UBE2J2: variants seen among roughly 807,000 people sequenced by gnomAD.
The protein encoded by UBE2J2 is ubiquitin conjugating enzyme E2 J2.
In UBE2J2, 5 loss-of-function variants were observed where a neutral mutation model predicts 28.6. The observed-to-expected ratio is 0.17, with a 90% CI of 0.09 to 0.37. UBE2J2 has a LOEUF of 0.37. Among genes scored for constraint, UBE2J2 ranks in the 10% least tolerant of loss-of-function variants. The pLI is 1.00. For synonymous variants in UBE2J2, 138 were observed against 139.7 expected (o/e 0.99, Z 0.09); for missense variants, 226 against 338.9 (o/e 0.67, Z 2.62).
intron 1 of UBE2J2, among the ~76,000 whole-genome samples, chr1:1,270,446 G>A (rs1444144530): frequency 6.6e-6 from 1 of 152,126 alleles, no homozygotes; most frequent in Non-Finnish European, 1.5e-5. Context: ...GGAGTGCAGA[G>A]CTCAGCCAGG....
At chr1:1,261,888 ACT>A (rs1015703283) in intron 3 of UBE2J2, among the ~76,000 whole-genome samples, 2 of 134,402 alleles carry the variant, frequency 1.5e-5, no homozygotes, top group African/African-American at 6.1e-5. Context: ...GACGAGTTTC[ACT>A]CTTGTCACCC....
intron 3 of UBE2J2, among the ~76,000 whole-genome samples, chr1:1,258,992 T>C (rs2101043465): frequency 6.6e-6 from 1 of 152,376 alleles, no homozygotes. Context: ...CGTTGACGTG[T>C]GTGTGCATGC....
intron 1 of UBE2J2, among the ~76,000 whole-genome samples, chr1:1,271,983 A>G (rs937864416): frequency 2.9e-5 from 4 of 135,662 alleles, no homozygotes; most frequent in Admixed American, 2.1e-4. Flanking sequence ...TCAAAAAAAA[A>G]AAAAAAAAAA....
chr1:1,270,587 A>C (rs1379843695), intron 1 of UBE2J2, among the ~76,000 whole-genome samples: 1 of 151,982 alleles, frequency 6.6e-6, no homozygotes, highest in Non-Finnish European at 1.5e-5. Flanking sequence ...CTCTAACGCA[A>C]AATGTCATCA....
intron 5 of UBE2J2, 74 bp from the exon 6 acceptor site, chr1:1,256,199 C>T: frequency 8.7e-7 from 1 of 1,150,196 alleles, no homozygotes; most frequent in Admixed American, 1.8e-5. Flanking sequence ...CAGATGATTT[C>T]AAAGTCAAGG....
chr1:1,272,757 G>A (rs1640222844), intron 1 of UBE2J2: 1 of 162,452 alleles, frequency 6.2e-6, no homozygotes, highest in East Asian at 1.9e-4. Flanking sequence ...AAGGAGGTCA[G>A]CGGTGCCAGG....
intron 2 of UBE2J2, chr1:1,263,670 A>G (rs1639687785): frequency 6.3e-6 from 2 of 316,094 alleles, no homozygotes; most frequent in Non-Finnish European, 1.2e-5. Context: ...AGCTCATCTT[A>G]ATAATAACTG....
chr1:1,259,271 G>A (rs1360158908), intron 3 of UBE2J2, among the ~76,000 whole-genome samples: 1 of 151,904 alleles, frequency 6.6e-6, no homozygotes, highest in Non-Finnish European at 1.5e-5. Flanking sequence ...GTGTGTGCAT[G>A]TGTATGTGCA....
intron 3 of UBE2J2, among the ~76,000 whole-genome samples, chr1:1,258,253 G>A (rs1348083269): frequency 6.6e-6 from 1 of 152,020 alleles, no homozygotes; most frequent in Non-Finnish European, 1.5e-5. Context: ...GTGTTAGCCA[G>A]GATGGTCTCT....
chr1:1,266,654 T>C (rs1411407461), intron 2 of UBE2J2, among the ~76,000 whole-genome samples: 1 of 151,636 alleles, frequency 6.6e-6, no homozygotes, highest in Non-Finnish European at 1.5e-5. Context: ...ACCCCGTCTC[T>C]ACTAAAAATA....
intron 3 of UBE2J2, among the ~76,000 whole-genome samples, chr1:1,258,032 T>TG (rs1639311802): frequency 6.6e-6 from 1 of 151,940 alleles, no homozygotes. Context: ...TTCCCACTTT[T>TG]TTTTGTTTTG....
At chr1:1,264,461 A>G (rs1393188024) in intron 2 of UBE2J2, among the ~76,000 whole-genome samples, 2 of 152,166 alleles carry the variant, frequency 1.3e-5, no homozygotes, top group African/African-American at 4.8e-5. Flanking sequence ...GCCCCAGGAC[A>G]TGTGTGCCAT....
intron 2 of UBE2J2, 132 bp downstream of exon 2, chr1:1,267,730 C>T: frequency 6.6e-7 from 1 of 1,519,928 alleles, no homozygotes. Flanking sequence ...GCACCCCACT[C>T]ACCCCGGGGG....
rs1227446833 is a variant in UBE2J2 at position 1,266,922 on chromosome 1, CTT to C, written c.131+938_131+939del. Among the ~76,000 whole-genome samples, 4 of 152,038 alleles carry C rather than the reference CTT, an allele frequency of 2.6e-5. No homozygotes were observed. The East Asian group carries it at 7.7e-4, about 29-fold the overall frequency. The stretch of plus-strand genomic sequence containing the variant: ...TTTTATTTTGAGACAGAGTTTCGCT[CTT>C]GTTGCCCAGGTTGGAGTGCAGTGGT... On this transcript the variant is annotated intron_variant, in intron 2 of 6. Transcript: ENST00000349431.
rs549222227 is a variant in UBE2J2, at chr1:1,256,555, G to A, written c.415-430C>T. ...TCTCCACGACAGTGCCTGGGACAAGGTGGGAACTCCACCCAGCCCCGCCTA... is the reference window on the plus strand; with the variant it reads ...TCTCCACGACAGTGCCTGGGACAAGATGGGAACTCCACCCAGCCCCGCCTA... On this transcript the variant is annotated intron_variant, in intron 5 of 6. Coordinates refer to ENST00000349431, the MANE Select transcript of UBE2J2 (RefSeq NM_058167.3). Among the ~76,000 whole-genome samples the A allele has an allele frequency of 2.0e-5, 3 of 152,338 alleles. No homozygotes were observed. In the South Asian group the frequency reaches 6.2e-4, roughly 32 times the overall value.
chr1:1,266,549 T>C lies in UBE2J2; in HGVS notation c.131+1313A>G, dbSNP rs146330518. On this transcript the variant is annotated intron_variant, in intron 2 of 6. Coordinates refer to ENST00000349431, the MANE Select transcript of UBE2J2 (RefSeq NM_058167.3). ...TCAAAAAAATAAATAAGGCCGGGCG[T>C]GGTGGCTCACGCCTGTAATCCCAGC... Among the ~76,000 whole-genome samples, 937 of 152,136 alleles carry C rather than the reference T, an allele frequency of 6.2e-3. 4 individuals carry two copies. Among genetic ancestry groups the C allele is most frequent in the Admixed American group, 8.6e-3 (131 of 15,290 alleles).
At chr1:1,262,954 G>A (rs553317025) in intron 3 of UBE2J2, 24 of 194,650 alleles carry the variant, frequency 1.2e-4, no homozygotes, top group South Asian at 6.8e-4. Context: ...TGGGGATTGC[G>A]AAACCCTGGG....
intron 3 of UBE2J2, among the ~76,000 whole-genome samples, chr1:1,260,948 C>A (rs1169099784): frequency 6.6e-6 from 1 of 152,218 alleles, no homozygotes; most frequent in Non-Finnish European, 1.5e-5. Flanking sequence ...CAGCTCTGAA[C>A]TGTCAGAGTG....
rs1557562346 is a variant in UBE2J2 at position 1,265,602 on chromosome 1, A to AG, written c.132-2217_132-2216insC. ...GTGTGTGTGTGTGTGTTTTCTCTCC[A>AG]TTGTGTGTGTGTGTGTGTGTGTGTG... On this transcript the variant is annotated intron_variant, in intron 2 of 6. Coordinates refer to ENST00000349431, the MANE Select transcript of UBE2J2 (RefSeq NM_058167.3). Among the ~76,000 whole-genome samples, 62 of 49,396 alleles carry AG rather than the reference A, an allele frequency of 1.3e-3. 2 individuals are homozygous for AG. The highest frequency in any genetic ancestry group is 7.4e-3 in the East Asian group (11 of 1,494). The allele number at this position is 49,396 out of a possible 152,430, so 32.4% of individuals were successfully genotyped here. A position where few individuals can be genotyped will look rare whatever the true frequency, so the allele number is the denominator to read the frequency against.
Sources: gnomAD v4.1 joint callset for allele counts (sites outside exome capture counted in the v4.1 genomes callset) on GRCh38, gnomAD v4.1.1 for gene constraint, MANE v1.5 for transcripts, NCBI Gene and HGNC (gene_info 2026-07-23, HGNC 2026-07-21) for gene names.